Variants in APLF observed in about 807,000 individuals in gnomAD.
APLF encodes the protein aprataxin and PNKP like factor.
APLF carries 61 observed loss-of-function variants against 55.6 expected under a neutral mutation model. The observed-to-expected ratio is 1.10, with a 90% CI of 0.89 to 1.36. The LOEUF (loss-of-function observed/expected upper bound fraction) is 1.36, where lower values mean the gene tolerates loss of function less well. Ranked by LOEUF, APLF falls within the 40% of genes most tolerant of loss-of-function variation. APLF has a pLI of 0.00. For missense variants in APLF, 611 were observed against 602.5 expected (o/e 1.01, Z -0.15); for synonymous variants, 207 against 214.8 (o/e 0.96, Z 0.32).
At chr2:68,564,630 G>T (rs1175710727) in intron 8 of APLF, among the ~76,000 whole-genome samples, 1 of 152,074 alleles carries the variant, frequency 6.6e-6, no homozygotes, top group Non-Finnish European at 1.5e-5. Context: ...ACAGCTTCTT[G>T]TGAGTATGGG....
intron 1 of APLF, among the ~76,000 whole-genome samples, chr2:68,480,984 T>A (rs1675932618): frequency 6.6e-6 from 1 of 152,216 alleles, no homozygotes; most frequent in African/African-American, 2.4e-5. Flanking sequence ...GTGTATAATC[T>A]TTTTAATGTG....
intron 9 of APLF, among the ~76,000 whole-genome samples, chr2:68,571,020 T>G (rs1671445161): frequency 6.6e-6 from 1 of 152,226 alleles, no homozygotes; most frequent in South Asian, 2.1e-4. Context: ...TCATTGTGGT[T>G]TTGATTTACA....
At chr2:68,553,255 T>G (rs1310872150) in intron 8 of APLF, among the ~76,000 whole-genome samples, 5 of 152,138 alleles carry the variant, frequency 3.3e-5, no homozygotes, top group Non-Finnish European at 7.4e-5. Context: ...TAAGGAACTT[T>G]GAAGAAATCA....
chr2:68,572,389 T>C (rs1397770408), intron 9 of APLF, among the ~76,000 whole-genome samples: 1 of 152,182 alleles, frequency 6.6e-6, no homozygotes, highest in Non-Finnish European at 1.5e-5. Context: ...AGGCAAAATA[T>C]TTATTTACTT....
At position 68,517,001 on chromosome 2, in the gene APLF, TTAATATA is replaced by T. The variant is rs1246689285; in HGVS notation, c.622+3334_622+3340del. ...ATATAATTATATATAATAATATATGTTAATATATAATATATAATAATATATTAATATA... is the reference window on the plus strand; with the variant it reads ...ATATAATTATATATAATAATATATGTTAATATATAATAATATATTAATATA... On this transcript the variant is annotated intron_variant, in intron 5 of 9. Transcript: ENST00000303795. 4.9e-4 allele frequency among the ~76,000 whole-genome samples: 61 copies of T among 124,774 alleles called. 1 individual carries two copies. The highest frequency in any genetic ancestry group is 3.0e-3 in the Admixed American group (31 of 10,476). The allele number at this position is 124,774 out of a possible 152,430, so 81.9% of individuals were successfully genotyped here.
chr2:68,558,130 A>G (rs2104045709), intron 8 of APLF, among the ~76,000 whole-genome samples: 1 of 152,288 alleles, frequency 6.6e-6, no homozygotes, highest in Admixed American at 6.5e-5. Flanking sequence ...TAGAAATTAC[A>G]GTAACAACAT....
intron 3 of APLF, among the ~76,000 whole-genome samples, chr2:68,506,863 C>T (rs1172788329): frequency 3.3e-5 from 5 of 151,782 alleles, no homozygotes; most frequent in African/African-American, 2.4e-5. Flanking sequence ...GATAAATCTC[C>T]CTACCATAAT....
intron 2 of APLF, among the ~76,000 whole-genome samples, chr2:68,497,445 C>T (rs1331987071): frequency 6.6e-6 from 1 of 152,088 alleles, no homozygotes; most frequent in Non-Finnish European, 1.5e-5. Flanking sequence ...GCACCTCCCC[C>T]TTCTCTCTCT....
chr2:68,493,118 T>TA (rs1244527475), intron 2 of APLF, among the ~76,000 whole-genome samples: 2 of 152,138 alleles, frequency 1.3e-5, no homozygotes, highest in African/African-American at 4.8e-5. Context: ...GTCTTTTCTT[T>TA]AAAAAAATTT....
chr2:68,554,016 T>C (rs1303884264), intron 8 of APLF, among the ~76,000 whole-genome samples: 1 of 152,110 alleles, frequency 6.6e-6, no homozygotes, highest in Non-Finnish European at 1.5e-5. Context: ...TGTTAGATAA[T>C]CTTACTATTA....
intron 1 of APLF, among the ~76,000 whole-genome samples, chr2:68,483,326 T>C (rs1676022892): frequency 6.6e-6 from 1 of 152,180 alleles, no homozygotes; most frequent in Admixed American, 6.5e-5. Flanking sequence ...GCTGGGGCCC[T>C]GTGCTTACCA....
intron 7 of APLF, among the ~76,000 whole-genome samples, chr2:68,544,077 G>A (rs1173441909): frequency 1.3e-5 from 2 of 151,262 alleles, no homozygotes; most frequent in African/African-American, 4.9e-5. Flanking sequence ...TGCCTCCTGG[G>A]TTCAAGCAGT....
At chr2:68,483,121 G>A (rs1165786974) in intron 1 of APLF, among the ~76,000 whole-genome samples, 5 of 152,086 alleles carry the variant, frequency 3.3e-5, no homozygotes, top group African/African-American at 7.3e-5. Context: ...AGAGCAGGAC[G>A]CCCTCCAGCA....
rs879411423 is a variant in APLF at position 68,567,229 on chromosome 2, C to T, written c.1287-112C>T. On this transcript the variant is annotated intron_variant, in intron 8 of 9. Transcript: ENST00000303795. ...CAACAAATGCTTTTTCATAAGAGGCCTATTGGGTCCTAAGTTTATTTGTAA... is the reference window on the plus strand; with the variant it reads ...CAACAAATGCTTTTTCATAAGAGGCTTATTGGGTCCTAAGTTTATTTGTAA... 26 of 835,110 alleles carry T rather than the reference C, an allele frequency of 3.1e-5. 1 individual carries two copies. The Admixed American group carries it at 6.6e-4, about 21-fold the overall frequency. 51.7% of individuals were successfully genotyped at this position (835,110 alleles called of 1,614,324 possible).
intron 9 of APLF, among the ~76,000 whole-genome samples, chr2:68,568,551 T>C (rs1671370151): frequency 6.6e-6 from 1 of 152,152 alleles, no homozygotes; most frequent in Non-Finnish European, 1.5e-5. Context: ...GGTAGTTTAA[T>C]AAAGTCTTCC....
chr2:68,510,324 C>T (rs35878577), intron 3 of APLF, among the ~76,000 whole-genome samples: 36,378 of 151,668 alleles, frequency 0.24, 7,037 homozygotes, highest in African/African-American at 0.54. Flanking sequence ...TCTAAAGAAT[C>T]CTCAACAATG....
chr2:68,527,291 G>A (rs1670090620), intron 6 of APLF, among the ~76,000 whole-genome samples: 1 of 145,926 alleles, frequency 6.9e-6, no homozygotes, highest in South Asian at 2.2e-4. Flanking sequence ...CTTCCCAGAT[G>A]GGATGGTGGC....
intron 1 of APLF, among the ~76,000 whole-genome samples, chr2:68,485,496 C>G (rs190672855): frequency 6.6e-6 from 1 of 152,230 alleles, no homozygotes; most frequent in Admixed American, 6.5e-5. Context: ...TGGTATCTGC[C>G]AGATTTCGCA....
At chr2:68,573,749 A>G (rs563357757) in intron 9 of APLF, among the ~76,000 whole-genome samples, 1 of 152,082 alleles carries the variant, frequency 6.6e-6, no homozygotes, top group South Asian at 2.1e-4. Flanking sequence ...TATAACACAG[A>G]TAGTTGGACT....
Sources: gnomAD v4.1 joint callset for allele counts (sites outside exome capture counted in the v4.1 genomes callset) on GRCh38, gnomAD v4.1.1 for gene constraint, MANE v1.5 for transcripts, NCBI Gene and HGNC (gene_info 2026-07-23, HGNC 2026-07-21) for gene names.